Variants in THOC7 observed in about 807,000 individuals in gnomAD.
The protein encoded by THOC7 is NIF3L1-binding protein 1.
A neutral mutation model predicts 33.1 loss-of-function variants in THOC7; 22 were observed. The ratio of observed to expected loss-of-function variants is 0.66; its 90% CI spans 0.47 to 0.95. The LOEUF is 0.95. THOC7 is among the 40% of genes least tolerant of loss of function. The pLI, the probability that THOC7 is intolerant of heterozygous loss-of-function variation, is 0.00. For missense variants in THOC7, 184 were observed against 245.3 expected (o/e 0.75, Z 1.67); for synonymous variants, 77 against 76.8 (o/e 1.00, Z -0.01).
At chr3:63,845,419 G>A (rs1263635156) in intron 1 of THOC7, among the ~76,000 whole-genome samples, 1 of 152,156 alleles carries the variant, frequency 6.6e-6, no homozygotes, top group African/African-American at 2.4e-5. Flanking sequence ...GAATGTGGCT[G>A]GACAGAAATA....
chr3:63,847,916 T>G (rs973899102), intron 1 of THOC7, among the ~76,000 whole-genome samples: 2 of 152,068 alleles, frequency 1.3e-5, no homozygotes, highest in African/African-American at 4.8e-5. Flanking sequence ...GAAAAACTAG[T>G]TTAGGCCATG....
At chr3:63,835,257 C>T in intron 6 of THOC7, 34 bp from the exon 7 acceptor site, 2 of 1,611,606 alleles carry the variant, frequency 1.2e-6, no homozygotes, top group Non-Finnish European at 1.7e-6. Context: ...ATACAAATGA[C>T]CTGTATATAT....
Position 63,834,086 on chromosome 3 carries a change from A to G in THOC7, c.*46T>C, listed in dbSNP as rs1321613373. ...ACCACATTTTAAACACATTATGGTC[A>G]TGTAGCTATTTCAATATTCCTGGGA... On this transcript the variant is annotated 3_prime_UTR_variant, in exon 8 of 8. Transcript: ENST00000295899. The G allele has an allele frequency of 7.5e-6, 12 of 1,590,974 alleles. No individual in the cohort carries two copies. Among genetic ancestry groups the G allele is most frequent in the Non-Finnish European group, 1.0e-5 (12 of 1,159,732 alleles).
intron 1 of THOC7, among the ~76,000 whole-genome samples, chr3:63,862,366 C>G (rs943471755): frequency 6.6e-6 from 1 of 152,174 alleles, no homozygotes; most frequent in Non-Finnish European, 1.5e-5. Context: ...TTACATGTTC[C>G]TACAGTTCCC....
chr3:63,855,284 C>T (rs934314220), intron 1 of THOC7, among the ~76,000 whole-genome samples: 1 of 151,866 alleles, frequency 6.6e-6, no homozygotes, highest in African/African-American at 2.4e-5. Flanking sequence ...TACAAAATAT[C>T]TTTCAAAATC....
chr3:63,843,399 T>A (rs1474250189), intron 1 of THOC7, among the ~76,000 whole-genome samples: 1 of 152,104 alleles, frequency 6.6e-6, no homozygotes. Flanking sequence ...ATTACAGGCA[T>A]GAGCCACTGT....
At chr3:63,858,431 T>A (rs1271391963) in intron 1 of THOC7, among the ~76,000 whole-genome samples, 1 of 152,122 alleles carries the variant, frequency 6.6e-6, no homozygotes, top group Non-Finnish European at 1.5e-5. Context: ...TTGCAACAAG[T>A]ACATATTCAT....
At chr3:63,847,044 G>A (rs544064221) in intron 1 of THOC7, among the ~76,000 whole-genome samples, 4 of 152,164 alleles carry the variant, frequency 2.6e-5, no homozygotes, top group Admixed American at 2.0e-4. Flanking sequence ...GGGCTAGAAC[G>A]CCTCCTAGTT....
chr3:63,839,442 C>T (rs1701707856), intron 2 of THOC7, among the ~76,000 whole-genome samples: 1 of 152,146 alleles, frequency 6.6e-6, no homozygotes, highest in Non-Finnish European at 1.5e-5. Context: ...ATCTTCATTT[C>T]TCCTTACCAA....
At chr3:63,844,927 C>T in intron 1 of THOC7, 1 of 571,164 alleles carries the variant, frequency 1.8e-6, no homozygotes, top group Non-Finnish European at 3.2e-6. Flanking sequence ...GCTATAATAC[C>T]TGAAAATGTG....
At chr3:63,863,560 G>A (rs1477276138) in intron 1 of THOC7, 9 of 1,196,194 alleles carry the variant, frequency 7.5e-6, no homozygotes, top group Non-Finnish European at 6.2e-6. Flanking sequence ...GGGTCTCCGA[G>A]GGGCGCTCGG....
At position 63,850,012 on chromosome 3, in the gene THOC7, G is replaced by A. The variant is rs577358776; in HGVS notation, c.20-10239C>T. Among the ~76,000 whole-genome samples the A allele has an allele frequency of 2.6e-4, 39 of 152,296 alleles. 1 individual carries two copies. In the South Asian group the frequency reaches 3.9e-3, roughly 15 times the overall value. On this transcript the variant is annotated intron_variant, in intron 1 of 7. Coordinates refer to ENST00000295899, the MANE Select transcript of THOC7 (RefSeq NM_025075.4). ...AGACAATCAAACTGCAAATCAGGAT[G>A]AGAAGTTGTTGACTTCATGCTGGGG...
chr3:63,838,216 G>T (rs984407017), intron 3 of THOC7, 154 bp from the exon 4 acceptor site: 25 of 898,420 alleles, frequency 2.8e-5, no homozygotes, highest in Non-Finnish European at 3.6e-5. Context: ...TATCATCTTA[G>T]AATACACATT....
In THOC7 at chr3:63,850,535, A is replaced by G. The variant is rs537127284; in HGVS notation, c.20-10762T>C. ...ATTTAAGATAGTCATGGGATACTAGATTACCAACTAAACAAGGAGCAATCT... is the reference window on the plus strand; with the variant it reads ...ATTTAAGATAGTCATGGGATACTAGGTTACCAACTAAACAAGGAGCAATCT... On this transcript the variant is annotated intron_variant, in intron 1 of 7. Transcript: ENST00000295899. 5.5e-4 allele frequency among the ~76,000 whole-genome samples: 82 copies of G among 147,812 alleles called. No homozygotes were observed. In the South Asian group the frequency reaches 0.016, roughly 29 times the overall value.
chr3:63,855,591 C>T (rs911530668), intron 1 of THOC7, among the ~76,000 whole-genome samples: 1 of 152,186 alleles, frequency 6.6e-6, no homozygotes, highest in African/African-American at 2.4e-5. Flanking sequence ...TAAACCCAGA[C>T]TAACGTTTTC....
chr3:63,839,537 G>A, intron 2 of THOC7, 119 bp downstream of exon 2: 1 of 826,546 alleles, frequency 1.2e-6, no homozygotes, highest in East Asian at 2.5e-5. Flanking sequence ...GGTTAATTAA[G>A]AGTTGACTCC....
At chr3:63,861,240 C>T (rs886966831) in intron 1 of THOC7, among the ~76,000 whole-genome samples, 1 of 152,066 alleles carries the variant, frequency 6.6e-6, no homozygotes, top group Non-Finnish European at 1.5e-5. Flanking sequence ...TGTGGGGGGG[C>T]ACTTGACTGC....
At chr3:63,863,825 CAAGCTGAGGCGGCGGTTGGCGGCGGCGG>C (rs1702310550), upstream of THOC7, 2 of 1,156,258 alleles carry the variant, frequency 1.7e-6, no homozygotes, top group Non-Finnish European at 2.2e-6. Context: ...GGCGGCGGCG[CAAGCTGAGGCGGCGGTTGGCGGCGGCGG>C]AGGTCAAACT....
intron 1 of THOC7, chr3:63,846,231 T>C (rs1166466604): frequency 2.2e-6 from 1 of 451,082 alleles, no homozygotes; most frequent in Non-Finnish European, 4.5e-6. Flanking sequence ...AAAAAAGCAG[T>C]TAAACAGTTT....
Sources: allele counts gnomAD v4.1 joint callset (sites outside exome capture counted in the v4.1 genomes callset), GRCh38; gene constraint gnomAD v4.1.1; transcripts MANE v1.5; gene names NCBI Gene and HGNC (gene_info 2026-07-23, HGNC 2026-07-21).